The following NLGN1 variants were observed in gnomAD, a reference collection of about 807,000 sequenced individuals.
NLGN1 encodes neuroligin 1, also known as neuroligin-1.
NLGN1 carries 12 observed loss-of-function variants against 65.5 expected under a neutral mutation model. The ratio of observed to expected loss-of-function variants is 0.18; its 90% CI spans 0.12 to 0.30. The LOEUF (loss-of-function observed/expected upper bound fraction) is 0.30. Among genes scored for constraint, NLGN1 ranks in the 10% least tolerant of loss-of-function variants. NLGN1 has a pLI of 1.00. For synonymous variants in NLGN1, 350 were observed against 359.5 expected (o/e 0.97, Z 0.30); for missense variants, 750 against 1,007.1 (o/e 0.74, Z 3.46).
chr3:173,584,454 C>CA (rs1746970463), intron 2 of NLGN1: 1 of 94,542 alleles, frequency 1.1e-5, no homozygotes, highest in South Asian at 3.5e-4. Context: ...ACCCAGAATC[C>CA]AAAAAAGATT....
chr3:173,757,900 C>G lies in NLGN1; in HGVS notation c.494-49780C>G, dbSNP rs180818719. ...CGAAGTAATAAAATACATGATATAACAGTGCCCAAATTTTAATATTTATCT... is the reference window on the plus strand; with the variant it reads ...CGAAGTAATAAAATACATGATATAAGAGTGCCCAAATTTTAATATTTATCT... On this transcript the variant is annotated intron_variant, in intron 3 of 6. Coordinates refer to ENST00000457714, the Ensembl canonical transcript of NLGN1. Among the ~76,000 whole-genome samples, 10 of 152,080 alleles carry G rather than the reference C, an allele frequency of 6.6e-5. No homozygotes were observed. The East Asian group carries it at 1.7e-3, about 26-fold the overall frequency.
At chr3:174,077,947 T>C (rs553570441) in intron 4 of NLGN1, among the ~76,000 whole-genome samples, 138 of 152,226 alleles carry the variant, frequency 9.1e-4, no homozygotes, top group African/African-American at 3.1e-3. Context: ...GTGCAGTTAC[T>C]CTCTAATGAG....
rs1387951154 is a variant in NLGN1 at position 173,901,363 on chromosome 3, T to TG, written c.646+93531_646+93532insG. Among the ~76,000 whole-genome samples the TG allele has an allele frequency of 8.8e-4, 118 of 133,368 alleles. 6 individuals are homozygous for TG. Among genetic ancestry groups the TG allele is most frequent in the East Asian group, 4.3e-3 (15 of 3,470 alleles). 87.5% of individuals were successfully genotyped at this position (133,368 alleles called of 152,430 possible). On this transcript the variant is annotated intron_variant, in intron 4 of 6. Transcript: ENST00000457714. ...AATATTTGAAAAACTAGTATTTTTT[T>TG]TGGGGGGGTGTGTGTGTGTGTGTTT...
chr3:173,642,975 G>GTA lies in NLGN1; in HGVS notation c.493+37893_493+37894dup, dbSNP rs200551097. ...TATTTTTAAGTTAAATATAAAATGT[G>GTA]TATATATATACACACATCTGAAGCT... On this transcript the variant is annotated intron_variant, in intron 3 of 6. Transcript: ENST00000457714. 6.4e-3 allele frequency among the ~76,000 whole-genome samples: 980 copies of GTA among 152,174 alleles called. 7 individuals carry two copies. Among genetic ancestry groups the GTA allele is most frequent in the Admixed American group, 9.3e-3 (142 of 15,302 alleles).
chr3:173,556,909 C>T (rs1306337532), intron 2 of NLGN1, among the ~76,000 whole-genome samples: 1 of 151,774 alleles, frequency 6.6e-6, no homozygotes, highest in Admixed American at 6.6e-5. Context: ...ATTTTTTGCC[C>T]CAGATTATGG....
chr3:173,612,189 C>T (rs1054072176), intron 3 of NLGN1, among the ~76,000 whole-genome samples: 3 of 152,050 alleles, frequency 2.0e-5, no homozygotes, highest in Non-Finnish European at 4.4e-5. Flanking sequence ...GTAACAATTC[C>T]GGAGAATCAT....
chr3:173,757,065 T>C (rs1777243694), intron 3 of NLGN1, among the ~76,000 whole-genome samples: 1 of 151,950 alleles, frequency 6.6e-6, no homozygotes. Context: ...TATCTAGAGG[T>C]GATGAAACCA....
intron 4 of NLGN1, among the ~76,000 whole-genome samples, chr3:174,200,562 G>A (rs1181415761): frequency 1.3e-5 from 2 of 152,168 alleles, no homozygotes; most frequent in Non-Finnish European, 2.9e-5. Context: ...GTGAAGCATG[G>A]CCATCAATAA....
intron 4 of NLGN1, among the ~76,000 whole-genome samples, chr3:173,965,541 A>G (rs1480888342): frequency 6.6e-6 from 1 of 150,828 alleles, no homozygotes; most frequent in African/African-American, 2.4e-5. Flanking sequence ...ATGGTCTCGA[A>G]CTACTGACCT....
In NLGN1 at chr3:174,279,653, A is replaced by T; in HGVS notation, c.1649+3A>T. 1 of 1,558,242 alleles carries T rather than the reference A, an allele frequency of 6.4e-7. No homozygotes were observed. The highest frequency in any genetic ancestry group is 8.8e-7 in the Non-Finnish European group (1 of 1,137,102). On this transcript the variant is annotated splice_donor_region_variant and intron_variant, in intron 6 of 6. Coordinates refer to ENST00000457714, the Ensembl canonical transcript of NLGN1. The surrounding 1 kb of genome is among the most constrained non-coding windows in gnomAD (Gnocchi z 4.7). The stretch of plus-strand genomic sequence containing the variant: ...TGGACAAATTTTGCTAAAACTGGGT[A>T]TGTACCTAAGGAATGAAGTTTATTT...
At chr3:173,640,208 TG>T (rs1454688133) in intron 3 of NLGN1, among the ~76,000 whole-genome samples, 2 of 152,184 alleles carry the variant, frequency 1.3e-5, no homozygotes, top group African/African-American at 4.8e-5. Flanking sequence ...AACAGTCTGA[TG>T]ATCAGATAGA....
chr3:173,419,020 C>CTTTTTTTT (rs59051811), intron 1 of NLGN1, among the ~76,000 whole-genome samples: 12 of 12,260 alleles, frequency 9.8e-4, no homozygotes, highest in Non-Finnish European at 1.2e-3. Context: ...TCTTCTTCTT[C>CTTTTTTTT]TTTTTTTTTT....
intron 4 of NLGN1, among the ~76,000 whole-genome samples, chr3:174,131,238 A>T (rs954467985): frequency 4.6e-5 from 7 of 152,224 alleles, no homozygotes; most frequent in African/African-American, 1.7e-4. Context: ...AATAAGTAAC[A>T]TACCTATTAT....
intron 3 of NLGN1, among the ~76,000 whole-genome samples, chr3:173,740,004 T>C (rs978701325): frequency 3.3e-5 from 5 of 152,226 alleles, no homozygotes; most frequent in South Asian, 2.1e-4. Flanking sequence ...TGTTTTCCCA[T>C]TTTCCCTAAT....
At chr3:173,657,288 AC>A (rs952935688) in intron 3 of NLGN1, among the ~76,000 whole-genome samples, 4 of 151,620 alleles carry the variant, frequency 2.6e-5, no homozygotes, top group Non-Finnish European at 5.9e-5. Context: ...CATTCTTCCA[AC>A]TCCATGTGCT....
At chr3:173,525,874 C>T (rs1735559121) in intron 2 of NLGN1, among the ~76,000 whole-genome samples, 1 of 152,068 alleles carries the variant, frequency 6.6e-6, no homozygotes, top group Non-Finnish European at 1.5e-5. Flanking sequence ...CATTCAGGAG[C>T]AGGTTACTTA....
chr3:173,508,910 C>G (rs967182429), intron 2 of NLGN1, among the ~76,000 whole-genome samples: 1 of 152,148 alleles, frequency 6.6e-6, no homozygotes, highest in African/African-American at 2.4e-5. Flanking sequence ...CCCCCTGACT[C>G]CACTGCTCCA....
At chr3:174,178,478 A>C (rs1218964070) in intron 4 of NLGN1, among the ~76,000 whole-genome samples, 1 of 152,176 alleles carries the variant, frequency 6.6e-6, no homozygotes, top group African/African-American at 2.4e-5. Flanking sequence ...ATCTTAGAAC[A>C]AATGCAAATC....
chr3:173,781,043 C>A (rs1271224117), intron 3 of NLGN1, among the ~76,000 whole-genome samples: 1 of 147,742 alleles, frequency 6.8e-6, no homozygotes, highest in East Asian at 2.0e-4. Context: ...ACTCGGGAGG[C>A]TGAGGCAGGA....
Sources: allele counts gnomAD v4.1 joint callset (sites outside exome capture counted in the v4.1 genomes callset), GRCh38; gene constraint gnomAD v4.1.1; non-coding constraint Gnocchi (gnomAD v3.1); transcripts MANE v1.5; gene names NCBI Gene and HGNC (gene_info 2026-07-23, HGNC 2026-07-21).